The following EPAS1 variants were observed in gnomAD, a reference collection of about 807,000 sequenced individuals.
The protein encoded by EPAS1 is endothelial PAS domain-containing protein 1.
EPAS1 carries 23 observed loss-of-function variants against 87.9 expected under a neutral mutation model. The observed-to-expected ratio is 0.26, with a 90% confidence interval of 0.19 to 0.37. The LOEUF (loss-of-function observed/expected upper bound fraction) is 0.37. EPAS1 is among the 10% of genes least tolerant of loss of function. The pLI, the probability that EPAS1 is intolerant of heterozygous loss-of-function variation, is 1.00. For missense variants in EPAS1, 1,138 were observed against 1,120.7 expected, an observed-to-expected ratio of 1.02 and a Z score of -0.22; for synonymous variants, 508 against 444.3, an observed-to-expected ratio of 1.14 and a Z score of -1.80.
chr2:46,382,531 G>A lies in EPAS1; in HGVS notation c.2394G>A (p.Arg798=). The change falls in exon 15 of 16, where the codon AGG becomes AGA. Residue 798 remains arginine (R), a synonymous_variant. Transcript: ENST00000263734. ...GTCCCGGGGAGAACAGCAAGAGCAG[G>A]TTCCCCCCACAGTGCTACGCCACCC... The part of the protein sequence containing the change: ...AISPGENSKS[R]FPPQCYATQY... 6.2e-7 allele frequency: 1 copy of A among 1,614,150 alleles called. No individual in the cohort carries two copies.
intron 1 of EPAS1, among the ~76,000 whole-genome samples, chr2:46,317,137 C>T (rs1478982032): frequency 6.6e-6 from 1 of 152,236 alleles, no homozygotes; most frequent in East Asian, 1.9e-4. Flanking sequence ...AAGTCTTGAA[C>T]CCCTCAAAGT....
At chr2:46,342,175 G>C (rs1367697632) in intron 1 of EPAS1, among the ~76,000 whole-genome samples, 1 of 152,164 alleles carries the variant, frequency 6.6e-6, no homozygotes, top group Admixed American at 6.5e-5. Flanking sequence ...GGTGACTCCA[G>C]TGAGCAGCAA....
chr2:46,382,498 T>C lies in EPAS1; in HGVS notation c.2361T>C (p.Ser787=). ...LRHLPLPQPP[S]AISPGENSKS... is the part of the protein sequence containing the mutation. ...ATCTGCCGCTGCCACAGCCTCCATC[T>C]GCCATCAGTCCCGGGGAGAACAGCA... Residue 787 remains serine (S), a synonymous_variant, in exon 15 of 16, where the codon TCT becomes TCC. Coordinates refer to ENST00000263734, the MANE Select transcript of EPAS1 (RefSeq NM_001430.5). 6.2e-7 allele frequency: 1 copy of C among 1,614,170 alleles called. No individual in the cohort carries two copies. The highest frequency in any genetic ancestry group is 8.5e-7 in the Non-Finnish European group (1 of 1,180,036).
chr2:46,325,205 T>A lies in EPAS1; in HGVS notation c.27-21668T>A, dbSNP rs185643746. 2.6e-5 allele frequency among the ~76,000 whole-genome samples: 4 copies of A among 152,310 alleles called. No individual in the cohort carries two copies. In the East Asian group the frequency reaches 7.7e-4, roughly 29 times the overall value. On this transcript the variant is annotated intron_variant, in intron 1 of 15. Transcript: ENST00000263734. ...TGGGCAGTGCTCTGTATGTTCTAGGTTAGAGTCTTAGATAATATGGGATTT... is the reference window on the plus strand; with the variant it reads ...TGGGCAGTGCTCTGTATGTTCTAGGATAGAGTCTTAGATAATATGGGATTT...
At chr2:46,379,067 A>T (rs1378800220) in intron 11 of EPAS1, among the ~76,000 whole-genome samples, 2 of 152,248 alleles carry the variant, frequency 1.3e-5, no homozygotes, top group African/African-American at 4.8e-5. Flanking sequence ...CCTACATTTA[A>T]CAAGCATAGC....
chr2:46,313,910 A>G (rs1298221763), intron 1 of EPAS1, among the ~76,000 whole-genome samples: 3 of 152,240 alleles, frequency 2.0e-5, no homozygotes, highest in African/African-American at 7.2e-5. Context: ...ATGTTTGTTA[A>G]GTGAAATAAT....
chr2:46,338,776 G>T (rs1251548406), intron 1 of EPAS1, among the ~76,000 whole-genome samples: 1 of 152,190 alleles, frequency 6.6e-6, no homozygotes, highest in African/African-American at 2.4e-5. Context: ...GCTGAGCCTG[G>T]TTCCAAGGCT....
rs1298963040 is a variant in EPAS1, at chr2:46,378,086, C to T, written c.1442C>T (p.Thr481Met). 11 of 1,597,670 alleles carry T rather than the reference C, an allele frequency of 6.9e-6. No individual in the cohort carries two copies. Among genetic ancestry groups the T allele is most frequent in the African/African-American group, 1.3e-5 (1 of 74,584 alleles). The change falls in exon 10 of 16, where the codon ACG (threonine) becomes ATG (methionine). Residue 481 changes from threonine to methionine, a missense_variant and splice_region_variant. By Grantham distance (81) the Thr-to-Met change is moderately conservative. Around this residue, in one of 4 missense-constraint regions of EPAS1, gnomAD observed 284 missense variants for 258.4 expected, o/e 1.10. Coordinates refer to ENST00000263734, the MANE Select transcript of EPAS1 (RefSeq NM_001430.5). ...SATSSSSSCS[T>M]PNSPEDYYTS... ...ACCAGCAGCAGCAGCAGCTGCTCCA[C>T]GGTGAGCAGCCCTCTTATGGCGAGG...
In EPAS1 at chr2:46,384,745, TCTAACGCCAGCACA is replaced by T; in HGVS notation, c.*89_*102del. The T allele has an allele frequency of 6.5e-7, 1 of 1,531,076 alleles. No homozygotes were observed. Among genetic ancestry groups the T allele is most frequent in the Non-Finnish European group, 8.8e-7 (1 of 1,133,310 alleles). 94.8% of individuals were successfully genotyped at this position (1,531,076 alleles called of 1,614,324 possible). On this transcript the variant is annotated 3_prime_UTR_variant, in exon 16 of 16. Transcript: ENST00000263734. The stretch of plus-strand genomic sequence containing the variant: ...CCGTCTGTTTTTGCAACTAGGTATT[TCTAACGCCAGCACA>T]CTATTTACAAGATGGACTTACCTGG...
chr2:46,317,433 G>A (rs973223880), intron 1 of EPAS1, among the ~76,000 whole-genome samples: 22 of 152,288 alleles, frequency 1.4e-4, no homozygotes, highest in African/African-American at 3.1e-4. Flanking sequence ...AATTTTGTGC[G>A]TCTCCATCAG....
intron 1 of EPAS1, among the ~76,000 whole-genome samples, chr2:46,327,044 A>G (rs1216607839): frequency 1.3e-5 from 2 of 152,248 alleles, no homozygotes; most frequent in Non-Finnish European, 2.9e-5. Flanking sequence ...TACTGCCCAT[A>G]AACATTGGTC....
chr2:46,381,877 G>C (rs1043523663), intron 13 of EPAS1, 98 bp from the exon 14 acceptor site: 3 of 1,529,312 alleles, frequency 2.0e-6, no homozygotes, highest in Non-Finnish European at 2.7e-6. Flanking sequence ...TTCCAAGCCA[G>C]CAAGTGCCAG....
At position 46,375,944 on chromosome 2, in the gene EPAS1, T is replaced by C; in HGVS notation, c.1034+107T>C. 1 of 1,477,530 alleles carries C rather than the reference T, an allele frequency of 6.8e-7. No homozygotes were observed. The highest frequency in any genetic ancestry group is 2.3e-4 in the Middle Eastern group (1 of 4,338). The allele number at this position is 1,477,530 out of a possible 1,614,324, so 91.5% of individuals were successfully genotyped here. A position where few individuals can be genotyped will look rare whatever the true frequency, so the allele number is the denominator to read the frequency against. ...GGAGATGCCAGGCCTCTCAGCGCCC[T>C]GGGCACCACCTCAGGGAGGTCTTGC... is the stretch of plus-strand genomic sequence containing the variant. On this transcript the variant is annotated intron_variant, in intron 8 of 15. Transcript: ENST00000263734. This position sits in a 1 kb window ranked among gnomAD's most constrained non-coding sequence, Gnocchi z 4.1.
At chr2:46,318,014 C>G (rs911613346) in intron 1 of EPAS1, among the ~76,000 whole-genome samples, 16 of 152,196 alleles carry the variant, frequency 1.1e-4, no homozygotes, top group African/African-American at 3.9e-4. Context: ...CTGGTTTGAT[C>G]TTCTCACTAA....
At chr2:46,351,005 G>T (rs765799892) in intron 2 of EPAS1, among the ~76,000 whole-genome samples, 1 of 152,132 alleles carries the variant, frequency 6.6e-6, no homozygotes, top group African/African-American at 2.4e-5. Flanking sequence ...GACAAAGAAA[G>T]AATTGTGGAG....
chr2:46,353,209 A>G (rs900171931), intron 2 of EPAS1, among the ~76,000 whole-genome samples: 12 of 152,196 alleles, frequency 7.9e-5, no homozygotes, highest in African/African-American at 2.7e-4. Context: ...AAAATAAGTC[A>G]CCACCTGCCA....
intron 7 of EPAS1, among the ~76,000 whole-genome samples, chr2:46,370,835 A>G (rs1352319845): frequency 6.6e-6 from 1 of 152,162 alleles, no homozygotes; most frequent in Admixed American, 6.5e-5. Flanking sequence ...CCTTGAATCC[A>G]TGCGACTCAT....
At chr2:46,376,506 G>A in intron 8 of EPAS1, 33 bp from the exon 9 acceptor site, 1 of 1,610,376 alleles carries the variant, frequency 6.2e-7, no homozygotes, top group Non-Finnish European at 8.5e-7. Context: ...TAGAAAATGT[G>A]GAAAGTCTGA....
intron 1 of EPAS1, among the ~76,000 whole-genome samples, chr2:46,320,909 T>G (rs1016991156): frequency 6.6e-6 from 1 of 152,208 alleles, no homozygotes; most frequent in African/African-American, 2.4e-5. Context: ...GTTTACCATT[T>G]TAACTATTTT....
Sources: gnomAD v4.1 joint callset for allele counts (sites outside exome capture counted in the v4.1 genomes callset) on GRCh38, gnomAD v4.1.1 for gene constraint, gnomAD v4.1.1 regional missense constraint, Gnocchi (gnomAD v3.1) non-coding constraint, MANE v1.5 for transcripts, NCBI Gene and HGNC (gene_info 2026-07-23, HGNC 2026-07-21) for gene names.